The following ZNF793 variants were observed in gnomAD, a reference collection of about 807,000 sequenced individuals.
ZNF793 encodes zinc finger protein 793.
Under a neutral mutation model 12.4 loss-of-function variants are expected in ZNF793, and 5 were observed. That is an observed-to-expected ratio of 0.40 (90% CI 0.21 to 0.84). ZNF793 has a LOEUF of 0.84. Ranked by LOEUF, ZNF793 falls within the 40% of genes least tolerant of loss-of-function variation. ZNF793 has a pLI of 0.35. For synonymous variants in ZNF793, 162 were observed against 172.4 expected (o/e 0.94, Z 0.47); for missense variants, 456 against 495.0 (o/e 0.92, Z 0.75).
chr19:37,532,509 A>C, intron 6 of ZNF793, 27 bp downstream of exon 6: 1 of 1,546,800 alleles, frequency 6.5e-7, no homozygotes, highest in East Asian at 2.3e-5. Context: ...CATACAATGC[A>C]GATTATGTTC....
chr19:37,518,664 T>C (rs1327178872), intron 2 of ZNF793, among the ~76,000 whole-genome samples: 1 of 150,690 alleles, frequency 6.6e-6, no homozygotes, highest in East Asian at 2.0e-4. Flanking sequence ...CCCAGGTATG[T>C]TGGTGCACAT....
chr19:37,523,509 G>GAAA, intron 5 of ZNF793, 55 bp downstream of exon 5: 1 of 1,539,694 alleles, frequency 6.5e-7, no homozygotes, highest in South Asian at 1.1e-5. Context: ...TGTCCTAGAG[G>GAAA]AAAAAAAGGG....
chr19:37,514,575 CAGATAGATAGATAGAT>C (rs57773647), intron 2 of ZNF793, among the ~76,000 whole-genome samples: 32 of 149,164 alleles, frequency 2.1e-4, no homozygotes, highest in African/African-American at 3.0e-4. Context: ...GATAGATAGA[CAGATAGATAGATAGAT>C]AGATAGATAG....
chr19:37,508,962 A>G (rs1199029963), intron 2 of ZNF793, among the ~76,000 whole-genome samples: 1 of 152,172 alleles, frequency 6.6e-6, no homozygotes, highest in African/African-American at 2.4e-5. Context: ...AATTCAAGAC[A>G]GATAAAGCCA....
intron 5 of ZNF793, among the ~76,000 whole-genome samples, chr19:37,530,305 G>A (rs1291752514): frequency 6.6e-6 from 1 of 151,850 alleles, no homozygotes; most frequent in African/African-American, 2.4e-5. Flanking sequence ...CAACTGCAAA[G>A]AGGCATTCCT....
chr19:37,508,235 T>C (rs1466433965), intron 1 of ZNF793, 30 bp from the exon 2 acceptor site: 3 of 152,216 alleles, frequency 2.0e-5, no homozygotes, highest in African/African-American at 4.8e-5. Flanking sequence ...AGGGATCTAA[T>C]GCATATTTTT....
In ZNF793 at chr19:37,539,038, A is replaced by G. The variant is rs538536043; in HGVS notation, c.*1159A>G. 3 of 152,354 alleles carry G rather than the reference A, an allele frequency of 2.0e-5. No individual in the cohort carries two copies. The highest frequency in any genetic ancestry group is 4.1e-4 in the South Asian group (2 of 4,830). 9.4% of individuals were successfully genotyped at this position (152,354 alleles called of 1,614,324 possible). On this transcript the variant is annotated 3_prime_UTR_variant, in exon 8 of 8. Coordinates refer to ENST00000627814, the MANE Select transcript of ZNF793 (RefSeq NM_001013659.3). ...TTCCACCTTTTTGTAATACATGTAA[A>G]TGGCTATAGAGGTTGTTACTGTCCT...
At position 37,536,918 on chromosome 19, in the gene ZNF793, T is replaced by C. The variant is rs1388265328; in HGVS notation, c.260T>C (p.Ile87Thr). ...HCWEDIWRVNIQRKRRQDMLL... is the reference protein window; with the variant it reads ...HCWEDIWRVNTQRKRRQDMLL... ...CCAGAAGACATCTGGCGAGTTAATATCCAGAGGAAAAGACGGCAAGACATG... is the reference window on the plus strand; with the variant it reads ...CCAGAAGACATCTGGCGAGTTAATACCCAGAGGAAAAGACGGCAAGACATG... The change falls in exon 8 of 8, where the codon ATC (isoleucine) becomes ACC (threonine). Residue 87 changes from isoleucine (I) to threonine (T), a missense_variant. Transcript: ENST00000627814. The C allele has an allele frequency of 8.7e-6, 14 of 1,610,692 alleles. No individual in the cohort carries two copies. The highest frequency in any genetic ancestry group is 2.7e-5 in the African/African-American group (2 of 74,652).
intron 7 of ZNF793, chr19:37,535,291 C>T (rs2042496296): frequency 2.6e-5 from 4 of 151,836 alleles, no homozygotes; most frequent in Admixed American, 2.6e-4. Context: ...TGCACCCAGC[C>T]CCACTTTTAA....
At chr19:37,521,750 T>C (rs568019516) in intron 3 of ZNF793, among the ~76,000 whole-genome samples, 170 of 152,186 alleles carry the variant, frequency 1.1e-3, no homozygotes, top group Middle Eastern at 6.8e-3. Context: ...GCCTTTTGTT[T>C]TTAACTAAAC....
intron 3 of ZNF793, among the ~76,000 whole-genome samples, chr19:37,521,457 CAG>C (rs1437724311): frequency 2.8e-5 from 3 of 105,432 alleles, no homozygotes; most frequent in South Asian, 6.5e-4. Flanking sequence ...TTTTTTGAGA[CAG>C]AGTTTCGCTC....
rs1169088095 is a variant in ZNF793, at chr19:37,523,457, A to C, written c.15+3A>C. 6 of 1,613,662 alleles carry C rather than the reference A, an allele frequency of 3.7e-6. No individual in the cohort carries two copies. Among genetic ancestry groups the C allele is most frequent in the Non-Finnish European group, 5.1e-6 (6 of 1,179,586 alleles). ...AGCAGAAAATGATCGAATACCAGGT[A>C]AGTATCACATTAAGTAGCCCAGTTT... On this transcript the variant is annotated splice_donor_region_variant and intron_variant, in intron 5 of 7. Transcript: ENST00000627814.
At chr19:37,526,878 C>T (rs1007972217) in intron 5 of ZNF793, among the ~76,000 whole-genome samples, 2 of 152,208 alleles carry the variant, frequency 1.3e-5, no homozygotes, top group Non-Finnish European at 2.9e-5. Flanking sequence ...ATAGAGCTAC[C>T]TACCCTACTT....
intron 2 of ZNF793, among the ~76,000 whole-genome samples, chr19:37,517,917 T>C (rs1031350233): frequency 6.6e-6 from 1 of 152,158 alleles, no homozygotes; most frequent in African/African-American, 2.4e-5. Flanking sequence ...ATTGGAAAAG[T>C]TAGAAAATGA....
At chr19:37,532,817 CAAAAAAT>C (rs1473614253) in intron 6 of ZNF793, among the ~76,000 whole-genome samples, 1 of 151,016 alleles carries the variant, frequency 6.6e-6, no homozygotes, top group Non-Finnish European at 1.5e-5. Context: ...GAAACTGTCT[CAAAAAAT>C]AAAAAATAAA....
intron 1 of ZNF793, 182 bp downstream of exon 1, chr19:37,507,148 G>A (rs1010453553): frequency 1.3e-5 from 2 of 152,700 alleles, no homozygotes; most frequent in African/African-American, 4.8e-5. Flanking sequence ...GGAACTGAAG[G>A]GTTAAGAGAT....
chr19:37,536,858 A>T, intron 7 of ZNF793, 39 bp from the exon 8 acceptor site: 4 of 1,549,292 alleles, frequency 2.6e-6, no homozygotes, highest in Non-Finnish European at 3.5e-6. Context: ...CTTAAGTAGT[A>T]TGAAGTTTCA....
chr19:37,526,568 G>A (rs1665618150), intron 5 of ZNF793, among the ~76,000 whole-genome samples: 1 of 152,258 alleles, frequency 6.6e-6, no homozygotes, highest in African/African-American at 2.4e-5. Context: ...CTACCCTGGT[G>A]TGTTGTTCTG....
intron 3 of ZNF793, among the ~76,000 whole-genome samples, chr19:37,521,429 CTTTTTTTTTTTT>C (rs74174472): frequency 2.1e-5 from 2 of 97,004 alleles, no homozygotes; most frequent in Non-Finnish European, 2.0e-5. Flanking sequence ...GGTCAATTCT[CTTTTTTTTTTTT>C]TTTTTTTTTT....
Sources: allele counts gnomAD v4.1 joint callset (sites outside exome capture counted in the v4.1 genomes callset), GRCh38; gene constraint gnomAD v4.1.1; transcripts MANE v1.5; gene names NCBI Gene and HGNC (gene_info 2026-07-23, HGNC 2026-07-21).